DZIP1: variants seen among roughly 807,000 people sequenced by gnomAD.
DZIP1 encodes cilium assembly protein DZIP1.
DZIP1 carries 97 observed loss-of-function variants against 107.6 expected under a neutral mutation model. The observed-to-expected ratio is 0.90, with a 90% CI of 0.77 to 1.07. DZIP1 has a LOEUF of 1.07. Among genes scored for constraint, DZIP1 ranks in the 50% least tolerant of loss-of-function variants. The pLI, the probability that DZIP1 is intolerant of heterozygous loss-of-function variation, is 0.00. For synonymous variants in DZIP1, 390 were observed against 386.4 expected, an observed-to-expected ratio of 1.01 and a Z score of -0.11; for missense variants, 1,035 against 1,063.6, an observed-to-expected ratio of 0.97 and a Z score of 0.37.
chr13:95,636,606 G>A (rs1877859463), intron 5 of DZIP1, among the ~76,000 whole-genome samples: 1 of 151,004 alleles, frequency 6.6e-6, no homozygotes, highest in Admixed American at 6.6e-5. Context: ...AGACACTGTT[G>A]AAAACTGAAT....
chr13:95,596,725 A>G (rs1254984663), intron 15 of DZIP1, among the ~76,000 whole-genome samples: 1 of 152,202 alleles, frequency 6.6e-6, no homozygotes, highest in African/African-American at 2.4e-5. Flanking sequence ...GCATCTATAA[A>G]ACTGCAAGAT....
At chr13:95,616,721 C>T (rs1341965959) in intron 10 of DZIP1, among the ~76,000 whole-genome samples, 4 of 152,048 alleles carry the variant, frequency 2.6e-5, no homozygotes, top group African/African-American at 9.7e-5. Context: ...CAAGGTTGTA[C>T]CCCTGGTGTA....
intron 5 of DZIP1, among the ~76,000 whole-genome samples, chr13:95,639,729 C>T (rs1177265840): frequency 1.3e-5 from 2 of 151,576 alleles, no homozygotes; most frequent in South Asian, 2.1e-4. Flanking sequence ...GAGGTTTTAA[C>T]ATTTCACTAG....
At chr13:95,620,013 T>C in intron 9 of DZIP1, 66 bp from the exon 10 acceptor site, 1 of 1,557,922 alleles carries the variant, frequency 6.4e-7, no homozygotes. Flanking sequence ...ATATGGGAGC[T>C]TCCTTTTTAG....
At chr13:95,609,560 G>A in intron 12 of DZIP1, 47 bp from the exon 13 acceptor site, 1 of 1,470,674 alleles carries the variant, frequency 6.8e-7, no homozygotes, top group South Asian at 1.3e-5. Context: ...ACAAGCTATG[G>A]ATTAAATTTT....
intron 5 of DZIP1, among the ~76,000 whole-genome samples, chr13:95,635,416 C>T (rs1356603690): frequency 1.3e-5 from 2 of 152,028 alleles, no homozygotes; most frequent in African/African-American, 2.4e-5. Context: ...AGGCTGGGCA[C>T]GAACTCTCAA....
Position 95,642,336 on chromosome 13 carries a change from C to T in DZIP1, c.-212-95G>A, listed in dbSNP as rs1215765461. 15 of 341,238 alleles carry T rather than the reference C, an allele frequency of 4.4e-5. No individual in the cohort carries two copies. In the East Asian group the frequency reaches 7.3e-4, roughly 17 times the overall value. The allele number at this position is 341,238 out of a possible 1,614,324, so 21.1% of individuals were successfully genotyped here. On this transcript the variant is annotated intron_variant, in intron 3 of 22. Coordinates refer to ENST00000376829, the MANE Select transcript of DZIP1 (RefSeq NM_198968.4). ...CCTGGGTACCGGCTCCCCAGGGCGC[C>T]ACCCTCCCTGGCGTTTGGGGCTGGA...
intron 15 of DZIP1, among the ~76,000 whole-genome samples, chr13:95,596,490 A>C (rs1311568216): frequency 6.6e-6 from 1 of 152,184 alleles, no homozygotes; most frequent in Non-Finnish European, 1.5e-5. Flanking sequence ...ACATGAGTAT[A>C]CTAGAAACAG....
rs1555308785 is a variant in DZIP1, at chr13:95,610,111, T to TGAGAGAGAGAGA, written c.1364-599_1364-598insTCTCTCTCTCTC. ...GTGTGTGTGTGTGTGTGTGTGTGTGTGAGAGAGAGACAGAGAGAGAGAGAC... is the reference window on the plus strand; with the variant it reads ...GTGTGTGTGTGTGTGTGTGTGTGTGTGAGAGAGAGAGAGAGAGAGAGACAGAGAGAGAGAGAC... On this transcript the variant is annotated intron_variant, in intron 12 of 22. Coordinates refer to ENST00000376829, the MANE Select transcript of DZIP1 (RefSeq NM_198968.4). Among the ~76,000 whole-genome samples the TGAGAGAGAGAGA allele has an allele frequency of 2.8e-3, 349 of 126,746 alleles. 12 individuals carry two copies. The highest frequency in any genetic ancestry group is 8.6e-3 in the African/African-American group (296 of 34,278). 83.2% of individuals were successfully genotyped at this position (126,746 alleles called of 152,430 possible). A position where few individuals can be genotyped will look rare whatever the true frequency, so the allele number is the denominator to read the frequency against.
At chr13:95,610,699 A>AT (rs1207428450) in intron 12 of DZIP1, among the ~76,000 whole-genome samples, 2 of 152,230 alleles carry the variant, frequency 1.3e-5, no homozygotes, top group Admixed American at 1.3e-4. Flanking sequence ...AGCCTATGAT[A>AT]TAGTTACTAT....
chr13:95,630,851 C>T (rs767603265), intron 6 of DZIP1: 2 of 741,314 alleles, frequency 2.7e-6, no homozygotes, highest in African/African-American at 1.8e-5. Context: ...CTGAAACCCT[C>T]TCTGAAACGA....
At chr13:95,608,117 G>C (rs1176700848) in intron 13 of DZIP1, among the ~76,000 whole-genome samples, 1 of 152,124 alleles carries the variant, frequency 6.6e-6, no homozygotes, top group Non-Finnish European at 1.5e-5. Context: ...ACAAGCCAGG[G>C]CCTCACTCGG....
chr13:95,620,299 A>G (rs949785176), intron 9 of DZIP1, among the ~76,000 whole-genome samples: 8 of 152,168 alleles, frequency 5.3e-5, no homozygotes, highest in Non-Finnish European at 1.0e-4. Flanking sequence ...CAATGATTAT[A>G]AGTTTCCTGA....
chr13:95,630,276 T>C (rs1417742162), intron 6 of DZIP1, among the ~76,000 whole-genome samples, 163 bp from the exon 7 acceptor site: 2 of 152,192 alleles, frequency 1.3e-5, no homozygotes, highest in African/African-American at 4.8e-5. Flanking sequence ...TTTAGTTTAT[T>C]TGGAGCCCAG....
rs112245856 is a variant in DZIP1, at chr13:95,585,621, C to T, written c.2349+385G>A. ...AGGAGCTTGGCCTCCACCCTCACTT[C>T]GGCTCCCAAGTGGAGCTAAACCCTC... On this transcript the variant is annotated intron_variant, in intron 21 of 22. Transcript: ENST00000376829. Among the ~76,000 whole-genome samples, 22 of 152,294 alleles carry T rather than the reference C, an allele frequency of 1.4e-4. No individual in the cohort carries two copies. In the East Asian group the frequency reaches 2.9e-3, roughly 20 times the overall value.
chr13:95,633,345 C>A (rs746390165), intron 5 of DZIP1, 24 bp from the exon 6 acceptor site: 1 of 1,596,480 alleles, frequency 6.3e-7, no homozygotes, highest in Non-Finnish European at 8.6e-7. Flanking sequence ...AGCAACAAAT[C>A]CAAGTGTCTG....
intron 10 of DZIP1, among the ~76,000 whole-genome samples, chr13:95,619,022 G>A (rs917275931): frequency 2.8e-4 from 42 of 152,278 alleles, no homozygotes; most frequent in African/African-American, 8.7e-4. Context: ...TCATTAAAGC[G>A]ATTTTAATGT....
chr13:95,600,590 T>TAGAGA (rs1555306565), intron 14 of DZIP1, among the ~76,000 whole-genome samples: 1 of 141,674 alleles, frequency 7.1e-6, no homozygotes. Context: ...GATAGATAGA[T>TAGAGA]GATAGATAGA....
At chr13:95,609,317 G>T in intron 13 of DZIP1, 140 bp downstream of exon 13, 1 of 494,784 alleles carries the variant, frequency 2.0e-6, no homozygotes, top group Non-Finnish European at 3.4e-6. Context: ...TCAAAACTAA[G>T]AATCAAAATA....
Sources: gnomAD v4.1 joint callset for allele counts (sites outside exome capture counted in the v4.1 genomes callset) on GRCh38, gnomAD v4.1.1 for gene constraint, MANE v1.5 for transcripts, NCBI Gene and HGNC (gene_info 2026-07-23, HGNC 2026-07-21) for gene names.